PAPPA: variants seen among roughly 807,000 people sequenced by gnomAD.
The protein encoded by PAPPA is pappalysin 1, also known as pappalysin-1.
PAPPA carries 60 observed loss-of-function variants against 164.0 expected under a neutral mutation model. The observed-to-expected ratio is 0.37, with a 90% CI of 0.30 to 0.45. The LOEUF is 0.45. Ranked by LOEUF, PAPPA falls within the 20% of genes least tolerant of loss-of-function variation. The probability of loss-of-function intolerance (pLI) is 1.00; values close to 1 mark genes in which losing one functional copy is unlikely to be tolerated. For synonymous variants in PAPPA, 875 were observed against 814.1 expected (o/e 1.07, Z -1.27); for missense variants, 1,782 against 2,087.3 (o/e 0.85, Z 2.85).
chr9:116,359,221 T>C (rs1350240593), intron 17 of PAPPA, among the ~76,000 whole-genome samples: 1 of 152,182 alleles, frequency 6.6e-6, no homozygotes, highest in Non-Finnish European at 1.5e-5. Context: ...TCTGCAAAAA[T>C]AATATAATTT....
At chr9:116,265,314 G>T (rs982221911) in intron 7 of PAPPA, among the ~76,000 whole-genome samples, 1 of 152,016 alleles carries the variant, frequency 6.6e-6, no homozygotes, top group East Asian at 1.9e-4. Context: ...TTATTTTGTC[G>T]AGAGTGAAAG....
intron 9 of PAPPA, among the ~76,000 whole-genome samples, chr9:116,291,019 GAT>G (rs1845429719): frequency 6.6e-6 from 1 of 152,050 alleles, no homozygotes; most frequent in African/African-American, 2.4e-5. Context: ...CATATCTTGA[GAT>G]ATCATTGAAA....
intron 15 of PAPPA, among the ~76,000 whole-genome samples, chr9:116,348,991 T>C (rs1475215): frequency 0.59 from 89,835 of 152,144 alleles, 27,652 homozygotes; most frequent in South Asian, 0.76. Context: ...ATAATGATAA[T>C]AATGACCAGC....
At chr9:116,232,564 C>T (rs1216473934) in intron 6 of PAPPA, among the ~76,000 whole-genome samples, 1 of 152,206 alleles carries the variant, frequency 6.6e-6, no homozygotes, top group Admixed American at 6.5e-5. Context: ...GTCTCAGTTT[C>T]CTCTTCTGTA....
intron 13 of PAPPA, among the ~76,000 whole-genome samples, chr9:116,341,492 G>A (rs548650498): frequency 3.2e-4 from 49 of 152,298 alleles, no homozygotes; most frequent in African/African-American, 1.1e-3. Context: ...CCAGGTAGTA[G>A]TTTAGATGTC....
intron 2 of PAPPA, among the ~76,000 whole-genome samples, chr9:116,204,239 C>T (rs1844205192): frequency 6.6e-6 from 1 of 152,172 alleles, no homozygotes; most frequent in Non-Finnish European, 1.5e-5. Flanking sequence ...AGCTTCTACG[C>T]AGATTAAGCC....
chr9:116,399,034 CA>C lies in PAPPA; in HGVS notation c.*2423del, dbSNP rs1161960893. ...TGCTTAATTATACCCATAGGTAATA[CA>C]AAAAGCTCTGAAGACCCAAAGATGA... On this transcript the variant is annotated 3_prime_UTR_variant, in exon 22 of 22. Coordinates refer to ENST00000328252, the MANE Select transcript of PAPPA (RefSeq NM_002581.5). 5.3e-6 allele frequency: 1 copy of C among 188,354 alleles called. No individual in the cohort carries two copies. The highest frequency in any genetic ancestry group is 1.1e-5 in the Non-Finnish European group (1 of 90,730). The allele number at this position is 188,354 out of a possible 1,614,324, so 11.7% of individuals were successfully genotyped here.
At chr9:116,270,322 T>C (rs1845122042) in intron 8 of PAPPA, among the ~76,000 whole-genome samples, 1 of 152,244 alleles carries the variant, frequency 6.6e-6, no homozygotes, top group South Asian at 2.1e-4. Context: ...TCTGCAATGA[T>C]GGAAATGTGT....
At chr9:116,385,961 G>A (rs1846805746) in intron 21 of PAPPA, among the ~76,000 whole-genome samples, 1 of 152,212 alleles carries the variant, frequency 6.6e-6, no homozygotes, top group South Asian at 2.1e-4. Flanking sequence ...AGATTTTATG[G>A]AGAACAGCAT....
intron 13 of PAPPA, among the ~76,000 whole-genome samples, chr9:116,342,194 A>G (rs532086258): frequency 6.6e-6 from 1 of 152,298 alleles, no homozygotes; most frequent in Non-Finnish European, 1.5e-5. Context: ...TACAGAGTAA[A>G]TATATTTAAA....
chr9:116,317,468 G>A (rs1429332177), intron 10 of PAPPA, among the ~76,000 whole-genome samples: 4 of 152,190 alleles, frequency 2.6e-5, no homozygotes, highest in Non-Finnish European at 4.4e-5. Context: ...CCTTACTCCA[G>A]GGTTGTCTGT....
intron 2 of PAPPA, among the ~76,000 whole-genome samples, chr9:116,193,267 A>G (rs1442580278): frequency 6.6e-6 from 1 of 150,532 alleles, no homozygotes; most frequent in Non-Finnish European, 1.5e-5. Flanking sequence ...GTCACCCCCG[A>G]CCCCTCTGCT....
intron 1 of PAPPA, among the ~76,000 whole-genome samples, chr9:116,167,208 A>G (rs1843728198): frequency 6.6e-6 from 1 of 152,160 alleles, no homozygotes; most frequent in South Asian, 2.1e-4. Flanking sequence ...CAATGCCAAA[A>G]TCTGAGGTTG....
intron 5 of PAPPA, among the ~76,000 whole-genome samples, chr9:116,226,234 G>A (rs1390746214): frequency 6.6e-6 from 1 of 152,194 alleles, no homozygotes; most frequent in Non-Finnish European, 1.5e-5. Flanking sequence ...ATCACTGAAA[G>A]AGGTAAGCAG....
intron 21 of PAPPA, among the ~76,000 whole-genome samples, chr9:116,391,814 T>C (rs563161090): frequency 4.6e-5 from 7 of 152,248 alleles, no homozygotes; most frequent in African/African-American, 1.4e-4. Flanking sequence ...CTGGCCACCA[T>C]GGTGTTCATG....
chr9:116,385,242 TAAATAAATAAATAAATA>T lies in PAPPA; in HGVS notation c.4776+2752_4776+2768del, dbSNP rs1264998880. ...AAACGAGACTCCATCTCAAAATAAA[TAAATAAATAAATAAATA>T]AATAAATAAATAAATAAATAAATAA... On this transcript the variant is annotated intron_variant, in intron 21 of 21. Transcript: ENST00000328252. Among the ~76,000 whole-genome samples the T allele has an allele frequency of 0.011, 8 of 710 alleles. No homozygotes were observed. In the Admixed American group the frequency reaches 0.12, roughly 10 times the overall value. 0.5% of individuals were successfully genotyped at this position (710 alleles called of 152,430 possible).
intron 6 of PAPPA, among the ~76,000 whole-genome samples, chr9:116,231,225 A>G (rs910441546): frequency 6.6e-6 from 1 of 152,178 alleles, no homozygotes; most frequent in Admixed American, 6.5e-5. Flanking sequence ...TTTTAATTTA[A>G]TCACTGTATA....
chr9:116,335,560 C>A (rs576562957), intron 13 of PAPPA, among the ~76,000 whole-genome samples: 1 of 152,114 alleles, frequency 6.6e-6, no homozygotes, highest in African/African-American at 2.4e-5. Flanking sequence ...CTATGTCTTC[C>A]ACAAGCCTAG....
At chr9:116,365,242 C>T (rs1235119601) in intron 18 of PAPPA, among the ~76,000 whole-genome samples, 1 of 152,130 alleles carries the variant, frequency 6.6e-6, no homozygotes, top group African/African-American at 2.4e-5. Context: ...AGACCAGCTC[C>T]CCCTGCGTGC....
Sources: allele counts gnomAD v4.1 joint callset (sites outside exome capture counted in the v4.1 genomes callset), GRCh38; gene constraint gnomAD v4.1.1; transcripts MANE v1.5; gene names NCBI Gene and HGNC (gene_info 2026-07-23, HGNC 2026-07-21).